Variants in KIN observed in about 807,000 individuals in gnomAD.
KIN encodes the protein DNA/RNA-binding protein KIN17.
In KIN, 47 loss-of-function variants were observed where a neutral mutation model predicts 63.0. That is an observed-to-expected ratio of 0.75 (90% CI 0.59 to 0.95). KIN has a LOEUF of 0.95. Ranked by LOEUF, KIN falls within the 40% of genes least tolerant of loss-of-function variation. The pLI is 0.00. For synonymous variants in KIN, 160 were observed against 157.7 expected (o/e 1.01, Z -0.11); for missense variants, 408 against 460.9 (o/e 0.89, Z 1.05).
chr10:7,785,060 G>A (rs1333755547), intron 1 of KIN, among the ~76,000 whole-genome samples: 1 of 151,808 alleles, frequency 6.6e-6, no homozygotes, highest in East Asian at 1.9e-4. Flanking sequence ...GACCAGCCTG[G>A]GCAACATGGG....
intron 2 of KIN, among the ~76,000 whole-genome samples, 172 bp downstream of exon 2, chr10:7,782,909 G>C (rs45625033): frequency 6.6e-6 from 1 of 152,002 alleles, no homozygotes; most frequent in African/African-American, 2.4e-5. Flanking sequence ...AAATAATTTT[G>C]TAACAGTTTT....
chr10:7,783,289 A>G, intron 1 of KIN, 114 bp from the exon 2 acceptor site: 1 of 485,666 alleles, frequency 2.1e-6, no homozygotes, highest in Admixed American at 4.1e-5. Context: ...ATTAAAATAT[A>G]ATCAAATCAT....
rs1458624005 is a variant in KIN at position 7,755,787 on chromosome 10, A to G, written c.*293T>C. The G allele has an allele frequency of 9.9e-6, 2 of 201,696 alleles. No homozygotes were observed. Among genetic ancestry groups the G allele is most frequent in the Non-Finnish European group, 2.0e-5 (2 of 101,374 alleles). 12.5% of individuals were successfully genotyped at this position (201,696 alleles called of 1,614,324 possible). A position where few individuals can be genotyped will look rare whatever the true frequency, so the allele number is the denominator to read the frequency against. On this transcript the variant is annotated 3_prime_UTR_variant, in exon 13 of 13. Coordinates refer to ENST00000379562, the MANE Select transcript of KIN (RefSeq NM_012311.4). ...ATTTCCTCCAATTACATGATTCTAA[A>G]TTGTCATAGATAAAACACTTTATAA...
chr10:7,770,416 A>C (rs1261912394), intron 7 of KIN, among the ~76,000 whole-genome samples: 1 of 152,188 alleles, frequency 6.6e-6, no homozygotes, highest in African/African-American at 2.4e-5. Context: ...TTTATACCTA[A>C]AATAATCTCT....
At chr10:7,784,327 A>T (rs1317616745) in intron 1 of KIN, among the ~76,000 whole-genome samples, 1 of 152,226 alleles carries the variant, frequency 6.6e-6, no homozygotes, top group Non-Finnish European at 1.5e-5. Context: ...TCATGCCTGT[A>T]ATCCCAGCAC....
intron 1 of KIN, among the ~76,000 whole-genome samples, chr10:7,784,539 G>C (rs953922294): frequency 2.6e-5 from 4 of 152,040 alleles, no homozygotes; most frequent in Non-Finnish European, 5.9e-5. Context: ...TGTGAGCTAT[G>C]ATCGAGCCAC....
intron 7 of KIN, among the ~76,000 whole-genome samples, chr10:7,772,015 T>C (rs539832881): frequency 6.6e-6 from 1 of 151,710 alleles, no homozygotes; most frequent in South Asian, 2.1e-4. Context: ...CTCAGGGTGA[T>C]GTAAAGGGCA....
In KIN at chr10:7,754,154, A is replaced by G; in HGVS notation, c.*1926T>C. On this transcript the variant is annotated 3_prime_UTR_variant, in exon 13 of 13. Coordinates refer to ENST00000379562, the MANE Select transcript of KIN (RefSeq NM_012311.4). ...AGACCAGCCTGGGCAACATAGCAAG[A>G]CCTCATCTCTACTAAAAATCAAAAA... 2.2e-6 allele frequency: 1 copy of G among 452,308 alleles called. No homozygotes were observed. Among genetic ancestry groups the G allele is most frequent in the East Asian group, 7.0e-5 (1 of 14,300 alleles). The allele number at this position is 452,308 out of a possible 1,614,324, so 28.0% of individuals were successfully genotyped here. A position where few individuals can be genotyped will look rare whatever the true frequency, so the allele number is the denominator to read the frequency against.
At chr10:7,779,391 G>GC (rs1176511221) in intron 4 of KIN, among the ~76,000 whole-genome samples, 29 of 152,304 alleles carry the variant, frequency 1.9e-4, no homozygotes, top group African/African-American at 7.0e-4. Flanking sequence ...TGGCAACAGA[G>GC]CGAGACTCAG....
intron 1 of KIN, 147 bp downstream of exon 1, chr10:7,787,673 A>G: frequency 1.5e-6 from 1 of 653,920 alleles, no homozygotes; most frequent in Non-Finnish European, 2.7e-6. Flanking sequence ...TGCGCTGAGT[A>G]GTTGACTCGC....
At chr10:7,761,935 A>T (rs1835443461) in intron 11 of KIN, among the ~76,000 whole-genome samples, 1 of 152,162 alleles carries the variant, frequency 6.6e-6, no homozygotes, top group Non-Finnish European at 1.5e-5. Flanking sequence ...TGGGAGATGG[A>T]GGTTGCAGTA....
chr10:7,772,228 G>A (rs867248130), intron 7 of KIN, among the ~76,000 whole-genome samples: 1 of 152,158 alleles, frequency 6.6e-6, no homozygotes, highest in Non-Finnish European at 1.5e-5. Flanking sequence ...TGAGTGACAC[G>A]GTAAGAGCTG....
chr10:7,778,799 C>A, intron 5 of KIN, 39 bp downstream of exon 5: 1 of 1,596,396 alleles, frequency 6.3e-7, no homozygotes, highest in Non-Finnish European at 8.6e-7. Flanking sequence ...TTCTTTAGAC[C>A]TCTGGACGTT....
intron 11 of KIN, chr10:7,761,272 A>C (rs1298681730): frequency 6.6e-6 from 1 of 152,206 alleles, no homozygotes; most frequent in African/African-American, 2.4e-5. Context: ...TGTAAAAAGA[A>C]TTTTTACTTT....
chr10:7,769,235 G>A lies in KIN; in HGVS notation c.779C>T (p.Ala260Val). 1.2e-6 allele frequency: 2 copies of A among 1,612,564 alleles called. No individual in the cohort carries two copies. The highest frequency in any genetic ancestry group is 1.7e-6 in the Non-Finnish European group (2 of 1,179,600). ...QSKEKKKKKS[A>V]LDEIMEIEEE... ...CTGTACCTCCATGATTTCATCCAGT[G>A]CAGATTTCTTTTTCTTCTTTTCTTT... Residue 260 changes from alanine (A) to valine (V), a missense_variant, in exon 8 of 13, where the codon GCA (alanine) becomes GTA (valine). This residue lies in a region of KIN where 298 missense variants were observed against 296.0 expected (regional missense o/e 1.01). Transcript: ENST00000379562.
chr10:7,773,989 G>A lies in KIN; in HGVS notation c.668+842C>T, dbSNP rs527776056. 1.3e-4 allele frequency among the ~76,000 whole-genome samples: 20 copies of A among 152,326 alleles called. No homozygotes were observed. In the East Asian group the frequency reaches 1.7e-3, roughly 13 times the overall value. On this transcript the variant is annotated intron_variant, in intron 7 of 12. Coordinates refer to ENST00000379562, the MANE Select transcript of KIN (RefSeq NM_012311.4). ...CATGCTATGCCAGGTTTTGGCAAAC[G>A]ACAGCCTAAGGGCCAAATGCCAGCT...
At chr10:7,781,587 T>TACACACACACACACACAC (rs3036327) in intron 2 of KIN, among the ~76,000 whole-genome samples, 18 of 140,626 alleles carry the variant, frequency 1.3e-4, no homozygotes, top group African/African-American at 4.1e-4. Flanking sequence ...ACCCTGTCTC[T>TACACACACACACACACAC]ACACACACAC....
In KIN at chr10:7,769,453, A is replaced by C; in HGVS notation, c.669-108T>G. 6.2e-6 allele frequency: 7 copies of C among 1,123,830 alleles called. No individual in the cohort carries two copies. The East Asian group carries it at 1.7e-4, about 27-fold the overall frequency. The allele number at this position is 1,123,830 out of a possible 1,614,324, so 69.6% of individuals were successfully genotyped here. A position where few individuals can be genotyped will look rare whatever the true frequency, so the allele number is the denominator to read the frequency against. On this transcript the variant is annotated intron_variant, in intron 7 of 12. Transcript: ENST00000379562. ...ATAAATGTGTGACATAGTAATTTACAGGAGATTAGTGAAAACCATGGAGTC... is the reference window on the plus strand; with the variant it reads ...ATAAATGTGTGACATAGTAATTTACCGGAGATTAGTGAAAACCATGGAGTC...
intron 11 of KIN, 101 bp downstream of exon 11, chr10:7,762,356 G>A: frequency 1.6e-6 from 1 of 609,530 alleles, no homozygotes; most frequent in Non-Finnish European, 2.8e-6. Context: ...CGCCAAGACA[G>A]AAAAATAACA....
Sources: gnomAD v4.1 joint callset for allele counts (sites outside exome capture counted in the v4.1 genomes callset) on GRCh38, gnomAD v4.1.1 for gene constraint, gnomAD v4.1.1 regional missense constraint, MANE v1.5 for transcripts, NCBI Gene and HGNC (gene_info 2026-07-23, HGNC 2026-07-21) for gene names.